RAD21L1: variants seen among roughly 807,000 people sequenced by gnomAD.
RAD21L1 encodes RAD21 cohesin complex component like 1.
RAD21L1 carries 47 observed loss-of-function variants against 69.0 expected under a neutral mutation model. The observed-to-expected ratio is 0.68, with a 90% CI of 0.54 to 0.87. The LOEUF is 0.87. Among genes scored for constraint, RAD21L1 ranks in the 40% least tolerant of loss-of-function variants. The pLI, the probability that RAD21L1 is intolerant of heterozygous loss-of-function variation, is 0.00. For missense variants in RAD21L1, 583 were observed against 647.6 expected (o/e 0.90, Z 1.08); for synonymous variants, 177 against 205.8 (o/e 0.86, Z 1.20).
At chr20:1,244,236 G>C (rs1218326848) in intron 11 of RAD21L1, 66 bp downstream of exon 11, 2 of 1,105,420 alleles carry the variant, frequency 1.8e-6, no homozygotes, top group Non-Finnish European at 2.5e-6. Context: ...GGAATGTTGG[G>C]ACTCTGGTAT....
rs2122135442 is a variant in RAD21L1, at chr20:1,246,285, G to T, written c.1381G>T (p.Glu461Ter). 1 of 1,520,486 alleles carries T rather than the reference G, an allele frequency of 6.6e-7. No homozygotes were observed. The highest frequency in any genetic ancestry group is 8.9e-7 in the Non-Finnish European group (1 of 1,125,558). The allele number at this position is 1,520,486 out of a possible 1,614,324, so 94.2% of individuals were successfully genotyped here. Reference sequence around the variant, plus strand: ...GAATGACTTATTTGCACAAGAAATTGAATATAGTCCAGTTGAATTGGTAAA... The same window carrying T: ...GAATGACTTATTTGCACAAGAAATTTAATATAGTCCAGTTGAATTGGTAAA... ...LMNDLFAQEI[E>*]YSPVELESLS... is the part of the protein sequence containing the mutation. The change falls in exon 12 of 14, where the codon GAA becomes TAA. Residue 461 changes from glutamate (E) to a stop codon, truncating the protein, a stop_gained. Transcript: ENST00000683101. LOFTEE classifies it high-confidence loss of function. The surrounding 1 kb of genome is among the most constrained non-coding windows in gnomAD (Gnocchi z 4.6).
intron 13 of RAD21L1, among the ~76,000 whole-genome samples, chr20:1,253,292 ACTT>A (rs1413637350): frequency 6.6e-6 from 1 of 152,048 alleles, no homozygotes. Flanking sequence ...TCACTGCAGT[ACTT>A]CTTTTCTTTT....
chr20:1,228,368 G>A (rs1162449320), intron 1 of RAD21L1, 54 bp from the exon 2 acceptor site: 36 of 858,418 alleles, frequency 4.2e-5, no homozygotes, highest in Non-Finnish European at 5.8e-5. Flanking sequence ...TTTTCTTATA[G>A]CAATAAAAAG....
intron 7 of RAD21L1, among the ~76,000 whole-genome samples, chr20:1,239,984 A>AT (rs11311864): frequency 4.0e-5 from 6 of 151,602 alleles, no homozygotes; most frequent in Non-Finnish European, 1.5e-5. Flanking sequence ...ACAGAATAGA[A>AT]TTTTTTTTTA....
intron 5 of RAD21L1, among the ~76,000 whole-genome samples, chr20:1,235,595 T>C (rs2122796898): frequency 1.3e-5 from 2 of 152,358 alleles, no homozygotes; most frequent in Middle Eastern, 6.8e-3. Context: ...ATTTTCTTTC[T>C]TGTGGACCAG....
Position 1,234,089 on chromosome 20 carries a change from A to G in RAD21L1, c.373A>G (p.Ile125Val), listed in dbSNP as rs765509960. The G allele has an allele frequency of 1.4e-4, 202 of 1,472,874 alleles. No individual in the cohort carries two copies. Among genetic ancestry groups the G allele is most frequent in the Middle Eastern group, 1.7e-4 (1 of 5,856 alleles). The allele number at this position is 1,472,874 out of a possible 1,614,324, so 91.2% of individuals were successfully genotyped here. ...HDFDTQNMNA[I>V]DVSEHFTQNQ... Reference sequence around the variant, plus strand: ...CAACCTTCTATTTCTCCATAGTGCTATTGATGTTTCAGAACACTTTACTCA... The same window carrying G: ...CAACCTTCTATTTCTCCATAGTGCTGTTGATGTTTCAGAACACTTTACTCA... The change falls in exon 5 of 14, where the codon ATT becomes GTT. Residue 125 changes from isoleucine (I) to valine (V), a missense_variant. Coordinates refer to ENST00000683101, the MANE Select transcript of RAD21L1 (RefSeq NM_001384355.1).
rs185159307 is a variant in RAD21L1, at chr20:1,226,951, C to A, written c.-33+811C>A. On this transcript the variant is annotated intron_variant, in intron 1 of 13. Transcript: ENST00000683101. ...TTGAGACGGAGTCGCCCTCTGTCGC[C>A]CAGGCTGGAGTGCAGTAGGGCGATC... is the stretch of plus-strand genomic sequence containing the variant. Among the ~76,000 whole-genome samples the A allele has an allele frequency of 2.1e-3, 322 of 152,310 alleles. 1 individual carries two copies. Among genetic ancestry groups the A allele is most frequent in the African/African-American group, 7.2e-3 (300 of 41,566 alleles).
At chr20:1,248,531 T>C in intron 12 of RAD21L1, 95 bp from the exon 13 acceptor site, 1 of 613,122 alleles carries the variant, frequency 1.6e-6, no homozygotes, top group South Asian at 2.3e-5. Flanking sequence ...ATTGTAATAA[T>C]TGTGTTTCTT....
At chr20:1,252,102 G>C (rs1193687267) in intron 13 of RAD21L1, among the ~76,000 whole-genome samples, 1 of 152,000 alleles carries the variant, frequency 6.6e-6, no homozygotes, top group Non-Finnish European at 1.5e-5. Context: ...ATTTTTCATG[G>C]GTACAATGAA....
chr20:1,235,583 G>C (rs955881804), intron 5 of RAD21L1, among the ~76,000 whole-genome samples: 2 of 152,068 alleles, frequency 1.3e-5, no homozygotes, highest in African/African-American at 4.8e-5. Context: ...TTTTATTTCT[G>C]TATTTTCTTT....
intron 10 of RAD21L1, 62 bp from the exon 11 acceptor site, chr20:1,243,984 T>C (rs1244595219): frequency 7.0e-6 from 10 of 1,429,476 alleles, no homozygotes; most frequent in Admixed American, 2.1e-5. Context: ...GTTACAACCA[T>C]ATCACAATTC....
intron 5 of RAD21L1, among the ~76,000 whole-genome samples, chr20:1,236,140 T>A (rs760341808): frequency 5.3e-5 from 8 of 152,170 alleles, no homozygotes; most frequent in Non-Finnish European, 4.4e-5. Flanking sequence ...GTTTGTTTTT[T>A]AATTCTGAAA....
chr20:1,227,848 G>A (rs556393488), intron 1 of RAD21L1, among the ~76,000 whole-genome samples: 2 of 151,978 alleles, frequency 1.3e-5, no homozygotes, highest in Non-Finnish European at 1.5e-5. Context: ...TCCACTTTAT[G>A]GAATGGAAAC....
chr20:1,245,521 C>T (rs2087701127), intron 11 of RAD21L1, among the ~76,000 whole-genome samples: 1 of 151,894 alleles, frequency 6.6e-6, no homozygotes, highest in African/African-American at 2.4e-5. Context: ...TAGAGGAGGC[C>T]CTTAATCAAG....
chr20:1,248,846 G>A (rs1600230620), intron 13 of RAD21L1, 143 bp downstream of exon 13: 1 of 502,774 alleles, frequency 2.0e-6, no homozygotes, highest in East Asian at 3.3e-5. Context: ...ATGATTTTCA[G>A]TAGTATACCC....
chr20:1,241,396 C>G (rs1040772652), intron 8 of RAD21L1, among the ~76,000 whole-genome samples: 3 of 152,170 alleles, frequency 2.0e-5, no homozygotes, highest in African/African-American at 7.2e-5. Flanking sequence ...AATGTAACTA[C>G]TAGTCTAATA....
Position 1,226,057 on chromosome 20 carries a change from G to A in RAD21L1, c.-116G>A, listed in dbSNP as rs1270533435. The stretch of plus-strand genomic sequence containing the variant: ...CTGCCGCGCATTGCAGACGCCCAGC[G>A]GCGCCAAGAACCCGGCCAAGCTGAC... On this transcript the variant is annotated 5_prime_UTR_variant, in exon 1 of 14. Coordinates refer to ENST00000683101, the MANE Select transcript of RAD21L1 (RefSeq NM_001384355.1). 2.6e-5 allele frequency: 2 copies of A among 76,042 alleles called. No individual in the cohort carries two copies. The highest frequency in any genetic ancestry group is 1.5e-4 in the African/African-American group (2 of 13,440). 4.7% of individuals were successfully genotyped at this position (76,042 alleles called of 1,614,324 possible). A position where few individuals can be genotyped will look rare whatever the true frequency, so the allele number is the denominator to read the frequency against.
intron 5 of RAD21L1, among the ~76,000 whole-genome samples, chr20:1,234,935 G>T (rs895890814): frequency 6.6e-6 from 1 of 152,066 alleles, no homozygotes; most frequent in Non-Finnish European, 1.5e-5. Flanking sequence ...TAAAGACAGG[G>T]TCTTGCTATG....
rs768027328 is a variant in RAD21L1, at chr20:1,228,572, C to G, written c.119C>G (p.Thr40Ser). 39 of 1,543,076 alleles carry G rather than the reference C, an allele frequency of 2.5e-5. No individual in the cohort carries two copies. In the African/African-American group the frequency reaches 5.2e-4, roughly 21 times the overall value. Residue 40 changes from threonine (T) to serine (S), a missense_variant, in exon 2 of 14, where the codon ACC becomes AGC. Physicochemically the swap from Thr to Ser is moderately conservative, Grantham distance 58. Coordinates refer to ENST00000683101, the MANE Select transcript of RAD21L1 (RefSeq NM_001384355.1). The part of the protein sequence containing the change: ...AHVFECNLEI[T>S]IEKILSPKVK... ...GTATTTGAATGTAATCTAGAGATAA[C>G]CATTGAAAAAATTCTTTCACCCAAG...
Sources: gnomAD v4.1 joint callset for allele counts (sites outside exome capture counted in the v4.1 genomes callset) on GRCh38, gnomAD v4.1.1 for gene constraint, Gnocchi (gnomAD v3.1) non-coding constraint, MANE v1.5 for transcripts, NCBI Gene and HGNC (gene_info 2026-07-23, HGNC 2026-07-21) for gene names.